Variants in KCNQ1 observed in about 807,000 individuals in gnomAD.
KCNQ1 encodes the protein potassium voltage-gated channel subfamily Q member 1, also known as potassium voltage-gated channel subfamily KQT member 1.
In KCNQ1, 49 loss-of-function variants were observed where a neutral mutation model predicts 72.4. The observed-to-expected ratio is 0.68, with a 90% CI of 0.54 to 0.86. The LOEUF (loss-of-function observed/expected upper bound fraction) is 0.86. Ranked by LOEUF, KCNQ1 falls within the 40% of genes least tolerant of loss-of-function variation. KCNQ1 has a pLI of 0.00. For synonymous variants in KCNQ1, 450 were observed against 412.6 expected (o/e 1.09, Z -1.10); for missense variants, 790 against 945.1 (o/e 0.84, Z 2.15).
At chr11:2,797,677 C>A (rs1347446502) in intron 15 of KCNQ1, among the ~76,000 whole-genome samples, 1 of 152,134 alleles carries the variant, frequency 6.6e-6, no homozygotes, top group African/African-American at 2.4e-5. Flanking sequence ...CTGGCCCCTC[C>A]TCCTCCCCCG....
Position 2,613,770 on chromosome 11 carries a change from C to T in KCNQ1, c.1393+24916C>T. The T allele has an allele frequency of 2.5e-6, 1 of 398,490 alleles. No homozygotes were observed. Among genetic ancestry groups the T allele is most frequent in the Admixed American group, 4.4e-5 (1 of 22,722 alleles). 24.7% of individuals were successfully genotyped at this position (398,490 alleles called of 1,614,324 possible). ...AACAAAAGGAGCTACTGAGAGAAAT[C>T]TTCCTCTCACCCATATCTCTTCCAT... On this transcript the variant is annotated intron_variant, in intron 10 of 15. Coordinates refer to ENST00000155840, the MANE Select transcript of KCNQ1 (RefSeq NM_000218.3). The surrounding 1 kb of genome is among the most constrained non-coding windows in gnomAD (Gnocchi z 4.8).
chr11:2,502,354 C>A (rs1206469742), intron 1 of KCNQ1, among the ~76,000 whole-genome samples: 2 of 152,138 alleles, frequency 1.3e-5, no homozygotes, highest in Non-Finnish European at 1.5e-5. Flanking sequence ...TTGCAGGATA[C>A]AAAGTCAACA....
rs949672827 is a variant in KCNQ1 at position 2,676,216 on chromosome 11, T to TA, written c.1514+14136dup. On this transcript the variant is annotated intron_variant, in intron 11 of 15. Transcript: ENST00000155840. This position sits in a 1 kb window ranked among gnomAD's most constrained non-coding sequence, Gnocchi z 4.2. ...GCCATACTTCTTTTTGAGCTGTACA[T>TA]ACAATGCTGATTTATTATGGTGCAG... The TA allele has an allele frequency of 1.0e-5, 4 of 398,576 alleles. No homozygotes were observed. The highest frequency in any genetic ancestry group is 1.8e-5 in the Non-Finnish European group (4 of 226,082). The allele number at this position is 398,576 out of a possible 1,614,324, so 24.7% of individuals were successfully genotyped here.
At position 2,515,802 on chromosome 11, in the gene KCNQ1, G is replaced by A. The variant is rs575610247; in HGVS notation, c.387-12126G>A. Among the ~76,000 whole-genome samples the A allele has an allele frequency of 1.8e-4, 27 of 152,182 alleles. No homozygotes were observed. Among genetic ancestry groups the A allele is most frequent in the East Asian group, 1.2e-3 (6 of 5,160 alleles). On this transcript the variant is annotated intron_variant, in intron 1 of 15. Transcript: ENST00000155840. The surrounding 1 kb of genome is among the most constrained non-coding windows in gnomAD (Gnocchi z 4.7). ...GCCGGCCCTGGGAGCACAGAGCCCC[G>A]TTCCCAGCAGCCCTCGGCCCTGGGG...
intron 5 of KCNQ1, 93 bp from the exon 6 acceptor site, chr11:2,572,753 A>C (rs1009114446): frequency 6.5e-7 from 1 of 1,548,316 alleles, no homozygotes. Context: ...TAGGACGCCC[A>C]GTGATCGCTG....
Position 2,495,664 on chromosome 11 carries a change from T to A in KCNQ1, c.387-32264T>A, listed in dbSNP as rs373966527. ...GTGTGGTTTTTAGTGAGTTTCTTCATCCTGAGTTCTAATTTGATCGTACTG... is the reference window on the plus strand; with the variant it reads ...GTGTGGTTTTTAGTGAGTTTCTTCAACCTGAGTTCTAATTTGATCGTACTG... On this transcript the variant is annotated intron_variant, in intron 1 of 15. Coordinates refer to ENST00000155840, the MANE Select transcript of KCNQ1 (RefSeq NM_000218.3). The surrounding 1 kb of genome is among the most constrained non-coding windows in gnomAD (Gnocchi z 4.6). 5.3e-5 allele frequency among the ~76,000 whole-genome samples: 8 copies of A among 152,374 alleles called. No individual in the cohort carries two copies. In the South Asian group the frequency reaches 1.7e-3, roughly 32 times the overall value.
At position 2,815,535 on chromosome 11, in the gene KCNQ1, C is replaced by T. The variant is rs967257813; in HGVS notation, c.1795-32232C>T. 1.3e-5 allele frequency among the ~76,000 whole-genome samples: 2 copies of T among 152,180 alleles called. No homozygotes were observed. The highest frequency in any genetic ancestry group is 6.5e-5 in the Admixed American group (1 of 15,284). ...CAGGATCGCCACTCCAGTGCCCCAT[C>T]CCAGAGCCTTTGAGAGTGGGGACAG... On this transcript the variant is annotated intron_variant, in intron 15 of 15. Coordinates refer to ENST00000155840, the MANE Select transcript of KCNQ1 (RefSeq NM_000218.3). This position sits in a 1 kb window ranked among gnomAD's most constrained non-coding sequence, Gnocchi z 5.4.
rs1043266892 is a variant in KCNQ1 at position 2,843,242 on chromosome 11, G to A, written c.1795-4525G>A. Among the ~76,000 whole-genome samples, 5 of 152,218 alleles carry A rather than the reference G, an allele frequency of 3.3e-5. No homozygotes were observed. The East Asian group carries it at 7.7e-4, about 23-fold the overall frequency. On this transcript the variant is annotated intron_variant, in intron 15 of 15. Coordinates refer to ENST00000155840, the MANE Select transcript of KCNQ1 (RefSeq NM_000218.3). ...CGCTCCATGCCCTGCCACGAACCGC[G>A]ACCTTACCACGTGCTGTGACCTATT... is the stretch of plus-strand genomic sequence containing the variant.
At chr11:2,699,209 G>A (rs1850729171) in intron 11 of KCNQ1, 2 of 398,598 alleles carry the variant, frequency 5.0e-6, no homozygotes, top group South Asian at 2.5e-4. Flanking sequence ...ACGCGGCCAG[G>A]AACTCGGACC....
rs1011332279 is a variant in KCNQ1 at position 2,678,114 on chromosome 11, C to G, written c.1514+16033C>G. The G allele has an allele frequency of 2.5e-6, 1 of 398,188 alleles. No individual in the cohort carries two copies. Among genetic ancestry groups the G allele is most frequent in the African/African-American group, 2.1e-5 (1 of 48,610 alleles). 24.7% of individuals were successfully genotyped at this position (398,188 alleles called of 1,614,324 possible). ...TTGTAGAAACTTGCTTTGTCATATT[C>G]ATTGAAAATATTTTATCCTCATTTT... On this transcript the variant is annotated intron_variant, in intron 11 of 15. Transcript: ENST00000155840. The surrounding 1 kb of genome is among the most constrained non-coding windows in gnomAD (Gnocchi z 4.9).
At chr11:2,736,171 T>C (rs1183829833) in intron 11 of KCNQ1, among the ~76,000 whole-genome samples, 1 of 152,198 alleles carries the variant, frequency 6.6e-6, no homozygotes, top group African/African-American at 2.4e-5. Context: ...CTGCCTGCCC[T>C]TCAGTTTACC....
Position 2,663,193 on chromosome 11 carries a change from A to G in KCNQ1, c.1514+1112A>G, listed in dbSNP as rs1850001539. ...TTCACAGAGAGGTTGGCAGTACCTC[A>G]TGGTGGGTAGGGTGTGAAGAGGCTC... is the stretch of plus-strand genomic sequence containing the variant. On this transcript the variant is annotated intron_variant, in intron 11 of 15. Transcript: ENST00000155840. This position sits in a 1 kb window ranked among gnomAD's most constrained non-coding sequence, Gnocchi z 5.2. 2 of 398,664 alleles carry G rather than the reference A, an allele frequency of 5.0e-6. No individual in the cohort carries two copies. Among genetic ancestry groups the G allele is most frequent in the Non-Finnish European group, 8.8e-6 (2 of 226,200 alleles). The allele number at this position is 398,664 out of a possible 1,614,324, so 24.7% of individuals were successfully genotyped here. A position where few individuals can be genotyped will look rare whatever the true frequency, so the allele number is the denominator to read the frequency against.
At chr11:2,775,255 G>T (rs1056200275) in intron 12 of KCNQ1, among the ~76,000 whole-genome samples, 1 of 152,250 alleles carries the variant, frequency 6.6e-6, no homozygotes, top group Non-Finnish European at 1.5e-5. Flanking sequence ...TGTTTTCTCT[G>T]TTGTGGTTTC....
At chr11:2,646,760 C>G (rs1000350923) in intron 10 of KCNQ1, 4 of 398,500 alleles carry the variant, frequency 1.0e-5, no homozygotes, top group African/African-American at 8.2e-5. Context: ...AAGCAATCCA[C>G]CCGCCTCATC....
intron 11 of KCNQ1, among the ~76,000 whole-genome samples, chr11:2,733,861 C>CT (rs1182307011): frequency 3.4e-5 from 4 of 117,820 alleles, no homozygotes; most frequent in African/African-American, 1.1e-4. Flanking sequence ...CTCTCTCCCC[C>CT]CCCACTTCAG....
chr11:2,837,431 G>C (rs953424627), intron 15 of KCNQ1, among the ~76,000 whole-genome samples: 4 of 152,222 alleles, frequency 2.6e-5, no homozygotes, highest in Non-Finnish European at 4.4e-5. Context: ...CCGGGCCTGA[G>C]CCCCCAGGCT....
rs1328052328 is a variant in KCNQ1, at chr11:2,703,421, C to G, written c.1514+41340C>G. ...ACATGGTAGGGGCTGAGCTAGCGTTCCTTGCACTCCCTCCAGCTTTACTCT... is the reference window on the plus strand; with the variant it reads ...ACATGGTAGGGGCTGAGCTAGCGTTGCTTGCACTCCCTCCAGCTTTACTCT... On this transcript the variant is annotated intron_variant, in intron 11 of 15. Transcript: ENST00000155840. The surrounding 1 kb of genome is among the most constrained non-coding windows in gnomAD (Gnocchi z 6.4). 1.3e-5 allele frequency among the ~76,000 whole-genome samples: 2 copies of G among 152,174 alleles called. No homozygotes were observed. Among genetic ancestry groups the G allele is most frequent in the African/African-American group, 4.8e-5 (2 of 41,428 alleles).
Position 2,613,208 on chromosome 11 carries a change from G to A in KCNQ1, c.1393+24354G>A, listed in dbSNP as rs1849009489. The A allele has an allele frequency of 2.5e-6, 1 of 398,390 alleles. No individual in the cohort carries two copies. Among genetic ancestry groups the A allele is most frequent in the Admixed American group, 4.4e-5 (1 of 22,696 alleles). The allele number at this position is 398,390 out of a possible 1,614,324, so 24.7% of individuals were successfully genotyped here. A position where few individuals can be genotyped will look rare whatever the true frequency, so the allele number is the denominator to read the frequency against. ...TTATAACTCTGTCCTGTATTTTACT[G>A]TCTGCTTGCAAAAGGTCTCACAGTC... On this transcript the variant is annotated intron_variant, in intron 10 of 15. Transcript: ENST00000155840. The surrounding 1 kb of genome is among the most constrained non-coding windows in gnomAD (Gnocchi z 4.8).
In KCNQ1 at chr11:2,566,097, C is replaced by G. The variant is rs547920522; in HGVS notation, c.478-4531C>G. Among the ~76,000 whole-genome samples, 13 of 152,208 alleles carry G rather than the reference C, an allele frequency of 8.5e-5. No individual in the cohort carries two copies. Among genetic ancestry groups the G allele is most frequent in the Non-Finnish European group, 1.6e-4 (11 of 68,032 alleles). On this transcript the variant is annotated intron_variant, in intron 2 of 15. Transcript: ENST00000155840. This position sits in a 1 kb window ranked among gnomAD's most constrained non-coding sequence, Gnocchi z 6.7. The stretch of plus-strand genomic sequence containing the variant: ...CTCACCCCACAGGGCTGAGACACCT[C>G]CCTGTCCCCTGGCAGGGCTGGAGGC...
Sources: gnomAD v4.1 joint callset for allele counts (sites outside exome capture counted in the v4.1 genomes callset) on GRCh38, gnomAD v4.1.1 for gene constraint, Gnocchi (gnomAD v3.1) non-coding constraint, MANE v1.5 for transcripts, NCBI Gene and HGNC (gene_info 2026-07-23, HGNC 2026-07-21) for gene names.